The following FGGY variants were observed in gnomAD, a reference collection of about 807,000 sequenced individuals.
The protein encoded by FGGY is FGGY carbohydrate kinase domain-containing protein.
FGGY carries 72 observed loss-of-function variants against 71.3 expected under a neutral mutation model. That is an observed-to-expected ratio of 1.01 (90% CI 0.84 to 1.23). The LOEUF is 1.23. Ranked by LOEUF, FGGY falls within the 50% of genes most tolerant of loss-of-function variation. FGGY has a pLI of 0.00. For missense variants in FGGY, 668 were observed against 682.3 expected, an observed-to-expected ratio of 0.98 and a Z score of 0.23; for synonymous variants, 251 against 250.3, an observed-to-expected ratio of 1.00 and a Z score of -0.02.
chr1:59,627,454 TTATA>T (rs60500862), intron 10 of FGGY, among the ~76,000 whole-genome samples: 7,935 of 97,142 alleles, frequency 0.082, 396 homozygotes, highest in African/African-American at 0.14. Context: ...ACTTATGATT[TTATA>T]TATATATATA....
At chr1:59,731,143 C>G (rs1424889214) in intron 14 of FGGY, among the ~76,000 whole-genome samples, 1 of 152,206 alleles carries the variant, frequency 6.6e-6, no homozygotes, top group Admixed American at 6.5e-5. Context: ...TACCCATGCT[C>G]TTTTGAATTT....
chr1:59,552,505 G>C (rs368615595), intron 7 of FGGY, among the ~76,000 whole-genome samples: 1 of 152,148 alleles, frequency 6.6e-6, no homozygotes, highest in East Asian at 1.9e-4. Context: ...GAAAACCCTC[G>C]AAAGCTGTAA....
chr1:59,400,370 G>A (rs977652779), intron 5 of FGGY, among the ~76,000 whole-genome samples: 1 of 152,224 alleles, frequency 6.6e-6, no homozygotes, highest in Admixed American at 6.5e-5. Context: ...TGTGACTTAC[G>A]TCATAAATAT....
rs182818406 is a variant in FGGY at position 59,635,673 on chromosome 1, A to G, written c.1074-2555A>G. On this transcript the variant is annotated intron_variant, in intron 10 of 15. Coordinates refer to ENST00000303721, the MANE Select transcript of FGGY (RefSeq NM_018291.5). Reference sequence around the variant, plus strand: ...AGATGTTCTCAAGGCTTTTCTTGTGAATGTGATTCCTGTTGGACCAGGAGC... The same window carrying G: ...AGATGTTCTCAAGGCTTTTCTTGTGGATGTGATTCCTGTTGGACCAGGAGC... 2.8e-3 allele frequency among the ~76,000 whole-genome samples: 426 copies of G among 152,252 alleles called. 3 individuals are homozygous for G. The highest frequency in any genetic ancestry group is 4.1e-3 in the Non-Finnish European group (282 of 68,012).
At chr1:59,386,077 T>C (rs1429957247) in intron 5 of FGGY, among the ~76,000 whole-genome samples, 1 of 152,226 alleles carries the variant, frequency 6.6e-6, no homozygotes, top group Non-Finnish European at 1.5e-5. Context: ...AATTCCCATA[T>C]ACTTGATGTC....
intron 14 of FGGY, among the ~76,000 whole-genome samples, chr1:59,737,185 A>T (rs1308308604): frequency 3.3e-5 from 5 of 152,254 alleles, no homozygotes; most frequent in Admixed American, 3.3e-4. Flanking sequence ...AAATGCCTGG[A>T]TGTCCAGGCA....
intron 5 of FGGY, among the ~76,000 whole-genome samples, chr1:59,387,647 A>C (rs7534016): frequency 6.6e-6 from 1 of 152,070 alleles, no homozygotes; most frequent in Non-Finnish European, 1.5e-5. Context: ...ACTTGAGAGA[A>C]TGGCATATTG....
intron 9 of FGGY, among the ~76,000 whole-genome samples, chr1:59,609,575 T>C (rs1180687253): frequency 6.6e-6 from 1 of 152,212 alleles, no homozygotes; most frequent in Non-Finnish European, 1.5e-5. Context: ...AAGTGAGACC[T>C]AGGCTCAGTT....
At chr1:59,389,439 C>A (rs2060449165) in intron 5 of FGGY, among the ~76,000 whole-genome samples, 1 of 152,210 alleles carries the variant, frequency 6.6e-6, no homozygotes, top group Non-Finnish European at 1.5e-5. Flanking sequence ...CTATTGTGTG[C>A]ATATACTACA....
intron 8 of FGGY, among the ~76,000 whole-genome samples, chr1:59,594,106 G>C (rs949880509): frequency 7.9e-5 from 12 of 152,088 alleles, no homozygotes; most frequent in African/African-American, 2.7e-4. Flanking sequence ...GACACAAATT[G>C]AGAACCCAGC....
intron 14 of FGGY, among the ~76,000 whole-genome samples, chr1:59,744,738 AT>A (rs1442353596): frequency 1.3e-5 from 2 of 152,236 alleles, no homozygotes; most frequent in Non-Finnish European, 2.9e-5. Flanking sequence ...CCATTTACTC[AT>A]TCATTTAATT....
intron 2 of FGGY, among the ~76,000 whole-genome samples, chr1:59,331,025 C>T (rs143105594): frequency 1.6e-3 from 240 of 151,864 alleles, no homozygotes; most frequent in African/African-American, 5.7e-3. Flanking sequence ...TCTCTCTTGA[C>T]CAGGATATGT....
chr1:59,591,323 A>G (rs1170329957), intron 8 of FGGY, among the ~76,000 whole-genome samples: 1 of 152,226 alleles, frequency 6.6e-6, no homozygotes, highest in Non-Finnish European at 1.5e-5. Context: ...TTCCATGCTC[A>G]TGGGTAGGAA....
Position 59,556,406 on chromosome 1 carries a change from G to C in FGGY, c.903+2179G>C, listed in dbSNP as rs551992860. ...GGCTGGCTTTCCCTACCCATTTAAT[G>C]TACACATTTGGGACCTAAAGCGTAG... On this transcript the variant is annotated intron_variant, in intron 8 of 15. Coordinates refer to ENST00000303721, the MANE Select transcript of FGGY (RefSeq NM_018291.5). Among the ~76,000 whole-genome samples, 252 of 152,278 alleles carry C rather than the reference G, an allele frequency of 1.7e-3. 10 individuals are homozygous for C. In the South Asian group the frequency reaches 0.05, roughly 30 times the overall value.
rs748123085 is a variant in FGGY, at chr1:59,758,061, G to C, written c.1574+69G>C. 1.9e-4 allele frequency: 209 copies of C among 1,115,746 alleles called. 1 individual carries two copies. Among genetic ancestry groups the C allele is most frequent in the Non-Finnish European group, 2.7e-4 (202 of 761,714 alleles). 69.1% of individuals were successfully genotyped at this position (1,115,746 alleles called of 1,614,324 possible). On this transcript the variant is annotated intron_variant, in intron 15 of 15. Transcript: ENST00000303721. Reference sequence around the variant, plus strand: ...ACATACACACACACATGCAACTATAGATCTGGAATAAACTCAGGTGGTCAA... The same window carrying C: ...ACATACACACACACATGCAACTATACATCTGGAATAAACTCAGGTGGTCAA...
Position 59,526,378 on chromosome 1 carries a change from G to T in FGGY, c.799+13939G>T, listed in dbSNP as rs140426390. On this transcript the variant is annotated intron_variant, in intron 7 of 15. Coordinates refer to ENST00000303721, the MANE Select transcript of FGGY (RefSeq NM_018291.5). ...AGCAAGGCAGAGATTTTTTCAATCA[G>T]CAAATATATGTTGAGCACATACTTT... 2.0e-5 allele frequency among the ~76,000 whole-genome samples: 3 copies of T among 152,282 alleles called. No individual in the cohort carries two copies. The East Asian group carries it at 5.8e-4, about 29-fold the overall frequency.
chr1:59,420,636 G>T (rs2153442256), intron 5 of FGGY, among the ~76,000 whole-genome samples: 1 of 152,050 alleles, frequency 6.6e-6, no homozygotes, highest in South Asian at 2.1e-4. Flanking sequence ...AAGCTTGTAG[G>T]GTTCAAGACT....
chr1:59,732,691 G>T lies in FGGY; in HGVS notation c.1513-25240G>T, dbSNP rs772243363. Among the ~76,000 whole-genome samples the T allele has an allele frequency of 2.0e-4, 31 of 152,250 alleles. No homozygotes were observed. The South Asian group carries it at 3.9e-3, about 19-fold the overall frequency. The stretch of plus-strand genomic sequence containing the variant: ...AAGGGGAAGGGAAGGAAGGTATTCA[G>T]GAGCTTAGCTAGTTGGTTAGTTGAT... On this transcript the variant is annotated intron_variant, in intron 14 of 15. Coordinates refer to ENST00000303721, the MANE Select transcript of FGGY (RefSeq NM_018291.5).
intron 14 of FGGY, among the ~76,000 whole-genome samples, chr1:59,684,471 AGGCC>A (rs2153991428): frequency 6.6e-6 from 1 of 152,190 alleles, no homozygotes; most frequent in East Asian, 1.9e-4. Context: ...GGGACCCCCC[AGGCC>A]TATGCTCCTC....
Sources: allele counts gnomAD v4.1 joint callset (sites outside exome capture counted in the v4.1 genomes callset), GRCh38; gene constraint gnomAD v4.1.1; transcripts MANE v1.5; gene names NCBI Gene and HGNC (gene_info 2026-07-23, HGNC 2026-07-21).